The following SPIDR variants were observed in gnomAD, a reference collection of about 807,000 sequenced individuals.
SPIDR encodes the protein DNA repair-scaffolding protein.
In SPIDR, 93 loss-of-function variants were observed where a neutral mutation model predicts 104.6. The observed-to-expected ratio is 0.89, with a 90% CI of 0.75 to 1.06. The LOEUF (loss-of-function observed/expected upper bound fraction) is 1.06, where lower values mean the gene tolerates loss of function less well. Among genes scored for constraint, SPIDR ranks in the 50% least tolerant of loss-of-function variants. SPIDR has a pLI of 0.00. For missense variants in SPIDR, 1,154 were observed against 1,111.2 expected, an observed-to-expected ratio of 1.04 and a Z score of -0.55; for synonymous variants, 431 against 416.9, an observed-to-expected ratio of 1.03 and a Z score of -0.41.
intron 8 of SPIDR, chr8:47,547,255 C>T (rs2089572968): frequency 9.9e-6 from 6 of 607,874 alleles, no homozygotes; most frequent in Admixed American, 3.8e-5. Flanking sequence ...AGGTGTAACA[C>T]GATGTACAGC....
chr8:47,618,301 AT>A (rs1352879466), intron 10 of SPIDR, among the ~76,000 whole-genome samples: 2 of 152,080 alleles, frequency 1.3e-5, no homozygotes, highest in Non-Finnish European at 2.9e-5. Flanking sequence ...TCCGGCTATC[AT>A]TATTCAGTCT....
At chr8:47,361,281 A>G (rs1489830907) in intron 5 of SPIDR, among the ~76,000 whole-genome samples, 1 of 152,228 alleles carries the variant, frequency 6.6e-6, no homozygotes, top group Non-Finnish European at 1.5e-5. Context: ...ATTAATTTTT[A>G]TAAGAATTCA....
intron 5 of SPIDR, among the ~76,000 whole-genome samples, chr8:47,299,417 C>G (rs1180171935): frequency 2.6e-5 from 4 of 152,144 alleles, no homozygotes; most frequent in African/African-American, 9.7e-5. Context: ...TTGACTTCCT[C>G]TTTTCCTAAT....
chr8:47,471,127 A>G (rs186077374), intron 8 of SPIDR, among the ~76,000 whole-genome samples: 2 of 152,310 alleles, frequency 1.3e-5, no homozygotes, highest in African/African-American at 2.4e-5. Flanking sequence ...GATTTCTTGG[A>G]TATGACACCA....
At position 47,325,915 on chromosome 8, in the gene SPIDR, G is replaced by A. The variant is rs116954195; in HGVS notation, c.525+31885G>A. ...AAAGAAGTCTTCCAGCACACCTAAA[G>A]GTGACAGGAAGATAATGGCAACTTG... On this transcript the variant is annotated intron_variant, in intron 5 of 19. Transcript: ENST00000297423. Among the ~76,000 whole-genome samples the A allele has an allele frequency of 2.2e-3, 329 of 152,324 alleles. 1 individual carries two copies. Among genetic ancestry groups the A allele is most frequent in the Non-Finnish European group, 3.5e-3 (236 of 68,024 alleles).
rs532977273 is a variant in SPIDR, at chr8:47,634,311, G to T, written c.1544+35115G>T. ...TACTAAAAATACAAAAATTAGCCAG[G>T]CATGGTGGCGGGTGCCTGTAATCCC... On this transcript the variant is annotated intron_variant, in intron 10 of 19. Coordinates refer to ENST00000297423, the MANE Select transcript of SPIDR (RefSeq NM_001080394.4). 2.0e-5 allele frequency among the ~76,000 whole-genome samples: 3 copies of T among 152,214 alleles called. No individual in the cohort carries two copies. The South Asian group carries it at 6.2e-4, about 32-fold the overall frequency.
At chr8:47,450,633 G>A (rs1339518479) in intron 8 of SPIDR, among the ~76,000 whole-genome samples, 1 of 152,180 alleles carries the variant, frequency 6.6e-6, no homozygotes, top group Non-Finnish European at 1.5e-5. Flanking sequence ...CCAGTAGAGG[G>A]AAGCAGAAAT....
At position 47,727,230 on chromosome 8, in the gene SPIDR, C is replaced by A; in HGVS notation, c.2372C>A (p.Ala791Asp). 1 of 1,614,130 alleles carries A rather than the reference C, an allele frequency of 6.2e-7. No homozygotes were observed. Among genetic ancestry groups the A allele is most frequent in the Non-Finnish European group, 8.5e-7 (1 of 1,180,022 alleles). The change falls in exon 17 of 20, where the codon GCT becomes GAT. Residue 791 changes from alanine (A) to aspartate (D), a missense_variant. Physicochemically the swap from Ala to Asp is moderately radical, Grantham distance 126. Coordinates refer to ENST00000297423, the MANE Select transcript of SPIDR (RefSeq NM_001080394.4). ...GTVVGVDEST[A>D]FSWPVCDMCG... ...GTGGTTGGCGTGGACGAGAGCACTG[C>A]TTTCTCATGGCCTGTGTGTGACATG...
intron 10 of SPIDR, among the ~76,000 whole-genome samples, chr8:47,627,686 C>A (rs1351477640): frequency 6.6e-6 from 1 of 152,048 alleles, no homozygotes; most frequent in African/African-American, 2.4e-5. Flanking sequence ...GATTCCTCCC[C>A]CCTCCCTGGC....
intron 5 of SPIDR, among the ~76,000 whole-genome samples, chr8:47,328,531 G>A (rs1554602045): frequency 6.6e-6 from 1 of 151,796 alleles, no homozygotes; most frequent in African/African-American, 2.4e-5. Flanking sequence ...GTGATAACAA[G>A]CGTGAGCCAC....
intron 5 of SPIDR, among the ~76,000 whole-genome samples, chr8:47,322,336 G>A (rs554401492): frequency 9.0e-4 from 137 of 152,298 alleles, no homozygotes; most frequent in Middle Eastern, 3.4e-3. Context: ...CACTTGAAAA[G>A]ATGCTCATCA....
chr8:47,736,110 T>C lies in SPIDR; in HGVS notation c.*660T>C, dbSNP rs916182394. On this transcript the variant is annotated 3_prime_UTR_variant, in exon 20 of 20. Coordinates refer to ENST00000297423, the MANE Select transcript of SPIDR (RefSeq NM_001080394.4). ...TGCACGGAGAGCAAAGATCACAGAC[T>C]AAGGAGCAGTCAGTCGGATATTTGC... 5.8e-5 allele frequency: 9 copies of C among 154,632 alleles called. No homozygotes were observed. The highest frequency in any genetic ancestry group is 2.2e-4 in the African/African-American group (9 of 41,462). The allele number at this position is 154,632 out of a possible 1,614,324, so 9.6% of individuals were successfully genotyped here.
At chr8:47,660,603 AGGG>A in intron 10 of SPIDR, 1 of 786,588 alleles carries the variant, frequency 1.3e-6, no homozygotes, top group Non-Finnish European at 1.5e-6. Flanking sequence ...GTGGGTGGCT[AGGG>A]GCAGGGACCC....
intron 8 of SPIDR, among the ~76,000 whole-genome samples, chr8:47,550,815 A>C (rs2090334782): frequency 6.6e-6 from 1 of 152,176 alleles, no homozygotes; most frequent in Admixed American, 6.5e-5. Context: ...ATTGAATAGA[A>C]GTCGTGAAGG....
At chr8:47,443,117 T>C (rs1252350530) in intron 8 of SPIDR, among the ~76,000 whole-genome samples, 1 of 152,200 alleles carries the variant, frequency 6.6e-6, no homozygotes, top group Non-Finnish European at 1.5e-5. Flanking sequence ...TAAATCCCAC[T>C]GACTCCTTAG....
At chr8:47,583,977 C>T (rs1202820132) in intron 8 of SPIDR, among the ~76,000 whole-genome samples, 1 of 152,192 alleles carries the variant, frequency 6.6e-6, no homozygotes, top group Non-Finnish European at 1.5e-5. Flanking sequence ...CCCCTGTCAC[C>T]GTGTCCGCTG....
At chr8:47,341,455 T>TA (rs143255603) in intron 5 of SPIDR, among the ~76,000 whole-genome samples, 2,772 of 150,370 alleles carry the variant, frequency 0.018, 92 homozygotes, top group African/African-American at 0.063. Flanking sequence ...TTTGTTTGTT[T>TA]AAAAAAAAAA....
At chr8:47,329,676 C>T (rs782786853) in intron 5 of SPIDR, among the ~76,000 whole-genome samples, 2 of 152,114 alleles carry the variant, frequency 1.3e-5, no homozygotes, top group South Asian at 2.1e-4. Flanking sequence ...TATTGTTATA[C>T]ATATTGTATC....
chr8:47,528,234 A>C (rs2154383284), intron 8 of SPIDR: 1 of 152,322 alleles, frequency 6.6e-6, no homozygotes, highest in African/African-American at 2.4e-5. Context: ...GGAATCCTTG[A>C]TACTTTCCCC....
Sources: allele counts gnomAD v4.1 joint callset (sites outside exome capture counted in the v4.1 genomes callset), GRCh38; gene constraint gnomAD v4.1.1; transcripts MANE v1.5; gene names NCBI Gene and HGNC (gene_info 2026-07-23, HGNC 2026-07-21).